GPN1: variants seen among roughly 807,000 people sequenced by gnomAD.
The protein encoded by GPN1 is GPN-loop GTPase 1, also known as ATP(GTP)-binding protein.
GPN1 carries 44 observed loss-of-function variants against 55.9 expected under a neutral mutation model. The ratio of observed to expected loss-of-function variants is 0.79; its 90% CI spans 0.62 to 1.01. The LOEUF is 1.01. GPN1 is among the 50% of genes least tolerant of loss of function. The pLI is 0.00. For missense variants in GPN1, 466 were observed against 462.8 expected, an observed-to-expected ratio of 1.01 and a Z score of -0.06; for synonymous variants, 179 against 162.5, an observed-to-expected ratio of 1.10 and a Z score of -0.77.
intron 5 of GPN1, among the ~76,000 whole-genome samples, chr2:27,634,058 C>G (rs1245864887): frequency 6.6e-6 from 1 of 152,080 alleles, no homozygotes; most frequent in Non-Finnish European, 1.5e-5. Flanking sequence ...ACCTTGCCAA[C>G]TTTTGTTATT....
intron 7 of GPN1, among the ~76,000 whole-genome samples, chr2:27,637,458 C>T (rs1410583240): frequency 2.0e-5 from 3 of 151,982 alleles, no homozygotes; most frequent in African/African-American, 7.2e-5. Flanking sequence ...TCCCTTTGTA[C>T]ACCTTAAATA....
chr2:27,642,247 C>T (rs771482975), intron 11 of GPN1, 182 bp from the exon 12 acceptor site: 5 of 559,446 alleles, frequency 8.9e-6, no homozygotes, highest in Non-Finnish European at 1.6e-5. Flanking sequence ...CCAGTCTAAA[C>T]TTCTGCAGTA....
intron 3 of GPN1, 139 bp downstream of exon 3, chr2:27,631,205 G>A: frequency 1.6e-6 from 1 of 639,782 alleles, no homozygotes; most frequent in Non-Finnish European, 2.8e-6. Context: ...GGAGAGGTAG[G>A]TGATCAGAAA....
intron 12 of GPN1, among the ~76,000 whole-genome samples, chr2:27,642,958 T>TATACACACACACACAC (rs10643705): frequency 2.1e-3 from 263 of 122,648 alleles, no homozygotes; most frequent in East Asian, 5.5e-3. Context: ...TATATATATA[T>TATACACACACACACAC]ACACACACAC....
At chr2:27,645,604 G>A (rs904656201) in intron 12 of GPN1, among the ~76,000 whole-genome samples, 7 of 151,956 alleles carry the variant, frequency 4.6e-5, no homozygotes, top group Admixed American at 3.3e-4. Context: ...TTTCAGGAGT[G>A]TTTCCAGTTT....
intron 2 of GPN1, among the ~76,000 whole-genome samples, chr2:27,630,266 A>G (rs1673485920): frequency 1.3e-5 from 2 of 152,124 alleles, no homozygotes; most frequent in Non-Finnish European, 2.9e-5. Context: ...CAGCCTGGTC[A>G]ATAGAGTGAG....
intron 12 of GPN1, 22 bp from the exon 13 acceptor site, chr2:27,647,814 C>T (rs763422950): frequency 3.6e-6 from 5 of 1,404,842 alleles, no homozygotes; most frequent in Non-Finnish European, 5.1e-6. Flanking sequence ...AGGCATATCA[C>T]TGATAGGTGT....
rs138879960 is a variant in GPN1 at position 27,642,484 on chromosome 2, T to A, written c.896T>A (p.Met299Lys). ...REQLERLRKD[M>K]GSVALDAGTA... ...CAACTGGAACGCCTTCGAAAAGATA[T>A]GGGTTCTGTAGCCTTGGATGCAGGG... Residue 299 changes from methionine to lysine, a missense_variant, in exon 12 of 14, where the codon ATG (methionine) becomes AAG (lysine). Physicochemically the swap from Met to Lys is moderately conservative, Grantham distance 95 (BLOSUM62 -1). Coordinates refer to ENST00000610189, the MANE Select transcript of GPN1 (RefSeq NM_007266.4). 2 of 1,613,440 alleles carry A rather than the reference T, an allele frequency of 1.2e-6. No homozygotes were observed. Among genetic ancestry groups the A allele is most frequent in the Non-Finnish European group, 8.5e-7 (1 of 1,179,368 alleles).
upstream of GPN1, chr2:27,628,504 G>A: frequency 2.6e-6 from 4 of 1,551,502 alleles, no homozygotes; most frequent in Non-Finnish European, 3.5e-6. Flanking sequence ...CAACTCGCGG[G>A]AACAATGTGC....
At chr2:27,647,808 A>G (rs773435400) in intron 12 of GPN1, 28 bp from the exon 13 acceptor site, 5 of 1,288,612 alleles carry the variant, frequency 3.9e-6, no homozygotes, top group Middle Eastern at 1.8e-4. Flanking sequence ...TTGAGGAGGC[A>G]TATCACTGAT....
At position 27,642,474 on chromosome 2, in the gene GPN1, C is replaced by G; in HGVS notation, c.886C>G (p.Arg296Gly). Residue 296 changes from arginine to glycine, a missense_variant, in exon 12 of 14, where the codon CGA becomes GGA. Coordinates refer to ENST00000610189, the MANE Select transcript of GPN1 (RefSeq NM_007266.4). ...GCAGAGAGAACAACTGGAACGCCTTCGAAAAGATATGGGTTCTGTAGCCTT... is the reference window on the plus strand; with the variant it reads ...GCAGAGAGAACAACTGGAACGCCTTGGAAAAGATATGGGTTCTGTAGCCTT... ...QQQREQLERLRKDMGSVALDA... is the reference protein window; with the variant it reads ...QQQREQLERLGKDMGSVALDA... 2.5e-6 allele frequency: 4 copies of G among 1,613,466 alleles called. No individual in the cohort carries two copies. In the African/African-American group the frequency reaches 5.3e-5, roughly 22 times the overall value.
intron 7 of GPN1, 100 bp downstream of exon 7, chr2:27,635,334 C>T (rs1673697484): frequency 5.1e-6 from 3 of 586,996 alleles, no homozygotes; most frequent in East Asian, 3.1e-5. Flanking sequence ...GTTGCTTACC[C>T]CTGGATTTGT....
upstream of GPN1, chr2:27,628,298 G>T (rs1558483333): frequency 8.2e-7 from 1 of 1,216,968 alleles, no homozygotes; most frequent in Non-Finnish European, 1.1e-6. Context: ...GTCAGGAGTA[G>T]AAATAATTTT....
In GPN1 at chr2:27,633,800, T is replaced by C. The variant is rs747004466; in HGVS notation, c.351-1046T>C. Among the ~76,000 whole-genome samples the C allele has an allele frequency of 2.7e-4, 40 of 150,638 alleles. 1 individual carries two copies. The highest frequency in any genetic ancestry group is 9.5e-4 in the African/African-American group (39 of 40,970). On this transcript the variant is annotated intron_variant, in intron 5 of 13. Transcript: ENST00000610189. ...CCTGGAGGTATTTTTTTTTTTTTAA[T>C]GACAGCTTTATTAAGATATAATTCA... is the stretch of plus-strand genomic sequence containing the variant.
Position 27,642,956 on chromosome 2 carries a change from TATACACACACACACACAC to T in GPN1, c.931+439_931+456del, listed in dbSNP as rs1055068521. On this transcript the variant is annotated intron_variant, in intron 12 of 13. Transcript: ENST00000610189. ...GGAAATGTGGTTTTATATATATATA[TATACACACACACACACAC>T]ACACACACACACACACACACATACA... Among the ~76,000 whole-genome samples the T allele has an allele frequency of 5.8e-5, 5 of 85,830 alleles. No individual in the cohort carries two copies. The South Asian group carries it at 1.1e-3, about 19-fold the overall frequency. The allele number at this position is 85,830 out of a possible 152,430, so 56.3% of individuals were successfully genotyped here.
At chr2:27,628,813 T>C (rs1673399139), upstream of GPN1, 1 of 1,487,064 alleles carries the variant, frequency 6.7e-7, no homozygotes, top group African/African-American at 1.4e-5. Flanking sequence ...GCTGCAGAGA[T>C]CAGCGCCCTT....
rs970663985 is a variant in GPN1 at position 27,634,859 on chromosome 2, G to T, written c.364G>T (p.Asp122Tyr). Residue 122 changes from aspartate to tyrosine, a missense_variant, in exon 6 of 14, where the codon GAC becomes TAC. By Grantham distance (160) the Asp-to-Tyr change is radical. Coordinates refer to ENST00000610189, the MANE Select transcript of GPN1 (RefSeq NM_007266.4). The part of the protein sequence containing the change: ...AQNMSKYVLI[D>Y]TPGQIEVFTW... ...TTCTTGACATAGATATGTGTTGATTGACACACCTGGACAGATTGAGGTATT... is the reference window on the plus strand; with the variant it reads ...TTCTTGACATAGATATGTGTTGATTTACACACCTGGACAGATTGAGGTATT... 6.3e-7 allele frequency: 1 copy of T among 1,577,052 alleles called. No individual in the cohort carries two copies. Among genetic ancestry groups the T allele is most frequent in the Non-Finnish European group, 8.7e-7 (1 of 1,146,358 alleles).
In GPN1 at chr2:27,650,267, T is replaced by C. The variant is rs544797722; in HGVS notation, c.*67T>C. Reference sequence around the variant, plus strand: ...TTTGGACCTCCACGTGAAAGAACTGTTCTTACCTCTGAACTGGGGGCTCCC... The same window carrying C: ...TTTGGACCTCCACGTGAAAGAACTGCTCTTACCTCTGAACTGGGGGCTCCC... On this transcript the variant is annotated 3_prime_UTR_variant, in exon 14 of 14. Coordinates refer to ENST00000610189, the MANE Select transcript of GPN1 (RefSeq NM_007266.4). The C allele has an allele frequency of 1.3e-5, 11 of 870,152 alleles. No homozygotes were observed. The highest frequency in any genetic ancestry group is 1.9e-5 in the Non-Finnish European group (10 of 523,446). The allele number at this position is 870,152 out of a possible 1,614,324, so 53.9% of individuals were successfully genotyped here. A position where few individuals can be genotyped will look rare whatever the true frequency, so the allele number is the denominator to read the frequency against.
chr2:27,644,069 A>G (rs1278312853), intron 12 of GPN1, among the ~76,000 whole-genome samples: 1 of 152,018 alleles, frequency 6.6e-6, no homozygotes, highest in Non-Finnish European at 1.5e-5. Flanking sequence ...AATTCCAGCT[A>G]CTCGCTGAGG....
Sources: allele counts gnomAD v4.1 joint callset (sites outside exome capture counted in the v4.1 genomes callset), GRCh38; gene constraint gnomAD v4.1.1; transcripts MANE v1.5; gene names NCBI Gene and HGNC (gene_info 2026-07-23, HGNC 2026-07-21).